The following SLC1A6 variants were observed in gnomAD, a reference collection of about 807,000 sequenced individuals.
SLC1A6 encodes excitatory amino acid transporter 4.
SLC1A6 carries 15 observed loss-of-function variants against 42.1 expected under a neutral mutation model. The ratio of observed to expected loss-of-function variants is 0.36; its 90% CI spans 0.24 to 0.55. SLC1A6 has a LOEUF of 0.55. SLC1A6 is among the 20% of genes least tolerant of loss of function. The probability of loss-of-function intolerance (pLI) is 0.88; values close to 1 mark genes in which losing one functional copy is unlikely to be tolerated. For missense variants in SLC1A6, 542 were observed against 772.5 expected, an observed-to-expected ratio of 0.70 and a Z score of 3.54; for synonymous variants, 317 against 319.7, an observed-to-expected ratio of 0.99 and a Z score of 0.09.
At position 15,002,261 on chromosome 19, in the gene SLC1A6, TG is replaced by T. The variant is rs558079880; in HGVS notation, c.6+8223del. Among the ~76,000 whole-genome samples, 166 of 152,138 alleles carry T rather than the reference TG, an allele frequency of 1.1e-3. 3 individuals are homozygous for T. Among genetic ancestry groups the T allele is most frequent in the African/African-American group, 3.8e-3 (159 of 41,500 alleles). On this transcript the variant is annotated intron_variant, in intron 1 of 8. Transcript: ENST00000430939. ...TGCACCACCACATCCAGCTGTTTTT[TG>T]TTTTGTTTGGTTTGGTTTGGGTTGG...
At chr19:14,988,638 T>G (rs1163564620) in intron 1 of SLC1A6, among the ~76,000 whole-genome samples, 2 of 152,142 alleles carry the variant, frequency 1.3e-5, no homozygotes, top group Non-Finnish European at 1.5e-5. Context: ...ACTCAGCCAT[T>G]AAAAAAGAAT....
chr19:14,966,697 T>TA (rs1340074498), intron 4 of SLC1A6, among the ~76,000 whole-genome samples: 3 of 151,924 alleles, frequency 2.0e-5, no homozygotes, highest in Non-Finnish European at 4.4e-5. Context: ...TATGCAGCCA[T>TA]AAAAAAGAAT....
chr19:15,001,346 C>A (rs1054396714), intron 1 of SLC1A6, among the ~76,000 whole-genome samples: 2 of 152,070 alleles, frequency 1.3e-5, no homozygotes, highest in African/African-American at 4.8e-5. Flanking sequence ...GAGAAGAGTT[C>A]TTTAAGAGAT....
chr19:14,999,325 A>G (rs1235732854), intron 1 of SLC1A6, among the ~76,000 whole-genome samples: 2 of 152,066 alleles, frequency 1.3e-5, no homozygotes, highest in African/African-American at 4.8e-5. Flanking sequence ...CTTTCAACCA[A>G]TTGCCAATTG....
chr19:14,978,334 A>C (rs2045733678), intron 1 of SLC1A6: 1 of 152,208 alleles, frequency 6.6e-6, no homozygotes, highest in African/African-American at 2.4e-5. Flanking sequence ...ATTTTATGTC[A>C]ATGCTATGCT....
At position 14,950,394 on chromosome 19, in the gene SLC1A6, G is replaced by T. The variant is rs776873311; in HGVS notation, c.1500-4C>A. ...GGTCATTGTGCGAAGCCGGTCACTG[G>T]TACAGGGGAGAAAGAAGCTGCCATT... On this transcript the variant is annotated splice_region_variant and splice_polypyrimidine_tract_variant and intron_variant, in intron 9 of 9. Coordinates refer to ENST00000594383, the MANE Select transcript of SLC1A6 (RefSeq NM_005071.3). The T allele has an allele frequency of 1.1e-4, 166 of 1,547,124 alleles. No homozygotes were observed. Among genetic ancestry groups the T allele is most frequent in the Non-Finnish European group, 1.4e-4 (161 of 1,139,808 alleles).
chr19:14,965,422 C>A (rs1351442385), intron 4 of SLC1A6, among the ~76,000 whole-genome samples: 3 of 152,138 alleles, frequency 2.0e-5, no homozygotes, highest in African/African-American at 4.8e-5. Flanking sequence ...CAAAAAGACA[C>A]CTGCACACAT....
intron 1 of SLC1A6, among the ~76,000 whole-genome samples, chr19:15,008,703 G>A (rs553133926): frequency 6.6e-6 from 1 of 152,074 alleles, no homozygotes; most frequent in African/African-American, 2.4e-5. Context: ...TGGTATACAA[G>A]CTGGGTGCGG....
Position 14,991,621 on chromosome 19 carries a change from C to CAAAA in SLC1A6, c.7-18708_7-18705dup, listed in dbSNP as rs34838245. Reference sequence around the variant, plus strand: ...TGGGTGACAGAGGGAGACTCTGTGTCAAAAAAAAAAAAAAAGACAATTTTA... The same window carrying CAAAA: ...TGGGTGACAGAGGGAGACTCTGTGTCAAAAAAAAAAAAAAAAAAAGACAATTTTA... On this transcript the variant is annotated intron_variant, in intron 1 of 8. Coordinates refer to the SLC1A6 transcript ENST00000430939. 5.8e-4 allele frequency among the ~76,000 whole-genome samples: 78 copies of CAAAA among 135,530 alleles called. 2 individuals are homozygous for CAAAA. Among genetic ancestry groups the CAAAA allele is most frequent in the South Asian group, 3.6e-3 (15 of 4,168 alleles). The allele number at this position is 135,530 out of a possible 152,430, so 88.9% of individuals were successfully genotyped here. A position where few individuals can be genotyped will look rare whatever the true frequency, so the allele number is the denominator to read the frequency against.
chr19:14,997,658 G>A (rs34560493), intron 1 of SLC1A6, among the ~76,000 whole-genome samples: 14,773 of 152,198 alleles, frequency 0.097, 876 homozygotes, highest in East Asian at 0.2. Flanking sequence ...GCCACACAGA[G>A]ACAGGCCAGG....
rs1454880659 is a variant in SLC1A6 at position 14,954,283 on chromosome 19, C to T, written c.1216G>A (p.Gly406Ser). ...AACCTGGTGATGCGGCGGTCCACACCCAGGCCCTCCTCCAGGCAGCGGAAG... is the reference window on the plus strand; with the variant it reads ...AACCTGGTGATGCGGCGGTCCACACTCAGGCCCTCCTCCAGGCAGCGGAAG... ...ITFRCLEEGL[G>S]VDRRITRFVL... The change falls in exon 8 of 10, where the codon GGT becomes AGT. Residue 406 changes from glycine (G) to serine (S), a missense_variant. Physicochemically the swap from Gly to Ser is moderately conservative, Grantham distance 56. Around this residue, in one of 6 missense-constraint regions of SLC1A6, gnomAD observed 298 missense variants for 419.4 expected, o/e 0.71. Coordinates refer to ENST00000594383, the MANE Select transcript of SLC1A6 (RefSeq NM_005071.3). 1.9e-6 allele frequency: 3 copies of T among 1,612,936 alleles called. No individual in the cohort carries two copies. Among genetic ancestry groups the T allele is most frequent in the Non-Finnish European group, 1.7e-6 (2 of 1,180,030 alleles).
chr19:14,954,468 G>A (rs1010950715), intron 7 of SLC1A6, 139 bp from the exon 8 acceptor site: 5 of 740,778 alleles, frequency 6.7e-6, no homozygotes, highest in African/African-American at 3.5e-5. Context: ...TGACCTAGTG[G>A]GGTACGGCTG....
chr19:14,985,735 G>A (rs1054452211), intron 1 of SLC1A6, among the ~76,000 whole-genome samples: 6 of 152,188 alleles, frequency 3.9e-5, no homozygotes, highest in Admixed American at 3.3e-4. Flanking sequence ...GGCCAAGGAG[G>A]GAGGATCGTT....
chr19:14,984,657 C>G (rs978009318), upstream of SLC1A6, among the ~76,000 whole-genome samples: 1 of 152,206 alleles, frequency 6.6e-6, no homozygotes, highest in South Asian at 2.1e-4. Context: ...TTAAGCTCGT[C>G]TTTTAACCAT....
chr19:14,976,999 C>T (rs1288836258), intron 1 of SLC1A6: 2 of 149,470 alleles, frequency 1.3e-5, no homozygotes, highest in Non-Finnish European at 2.9e-5. Context: ...CCAAATGGAC[C>T]CATCTCCTGA....
chr19:14,986,804 T>C (rs1269920097), intron 1 of SLC1A6, among the ~76,000 whole-genome samples: 1 of 152,016 alleles, frequency 6.6e-6, no homozygotes, highest in Non-Finnish European at 1.5e-5. Flanking sequence ...ACTCCTGGAC[T>C]CAAGTGATCC....
chr19:14,965,531 C>T (rs1270909425), intron 4 of SLC1A6, among the ~76,000 whole-genome samples: 2 of 152,186 alleles, frequency 1.3e-5, no homozygotes, highest in East Asian at 3.9e-4. Context: ...ATATGTACAC[C>T]ATGGAATACT....
chr19:14,991,852 T>TA (rs2045821810), intron 1 of SLC1A6, among the ~76,000 whole-genome samples: 1 of 119,978 alleles, frequency 8.3e-6, no homozygotes, highest in Non-Finnish European at 1.8e-5. Flanking sequence ...TTTTTTTTTT[T>TA]TTCTAGAGGG....
chr19:15,000,749 A>G (rs2045868455), intron 1 of SLC1A6, among the ~76,000 whole-genome samples: 1 of 152,180 alleles, frequency 6.6e-6, no homozygotes, highest in Non-Finnish European at 1.5e-5. Flanking sequence ...GTCCCCATGC[A>G]TCTCTGTTCT....
Sources: gnomAD v4.1 joint callset for allele counts (sites outside exome capture counted in the v4.1 genomes callset) on GRCh38, gnomAD v4.1.1 for gene constraint, gnomAD v4.1.1 regional missense constraint, MANE v1.5 for transcripts, NCBI Gene and HGNC (gene_info 2026-07-23, HGNC 2026-07-21) for gene names.